Variants in SREBF2 observed in about 807,000 individuals in gnomAD.
The protein encoded by SREBF2 is sterol regulatory element binding transcription factor 2.
A neutral mutation model predicts 113.1 loss-of-function variants in SREBF2; 55 were observed. The ratio of observed to expected loss-of-function variants is 0.49; its 90% CI spans 0.39 to 0.61. SREBF2 has a LOEUF of 0.61. Ranked by LOEUF, SREBF2 falls within the 20% of genes least tolerant of loss-of-function variation. The probability of loss-of-function intolerance (pLI) is 0.00; values close to 1 mark genes in which losing one functional copy is unlikely to be tolerated. For missense variants in SREBF2, 1,349 were observed against 1,487.4 expected (o/e 0.91, Z 1.53); for synonymous variants, 593 against 605.7 (o/e 0.98, Z 0.31).
chr22:41,902,317 C>T (rs1265920260), intron 16 of SREBF2, among the ~76,000 whole-genome samples: 3 of 152,244 alleles, frequency 2.0e-5, no homozygotes, highest in African/African-American at 7.2e-5. Flanking sequence ...ACATGCAGTA[C>T]CTTCTCATAT....
In SREBF2 at chr22:41,833,529, G is replaced by T; in HGVS notation, c.88+171G>T. 1.9e-6 allele frequency: 1 copy of T among 515,594 alleles called. No homozygotes were observed. Among genetic ancestry groups the T allele is most frequent in the Non-Finnish European group, 3.3e-6 (1 of 304,806 alleles). The allele number at this position is 515,594 out of a possible 1,614,324, so 31.9% of individuals were successfully genotyped here. A position where few individuals can be genotyped will look rare whatever the true frequency, so the allele number is the denominator to read the frequency against. On this transcript the variant is annotated intron_variant, in intron 1 of 18. Coordinates refer to ENST00000361204, the MANE Select transcript of SREBF2 (RefSeq NM_004599.4). The surrounding 1 kb of genome is among the most constrained non-coding windows in gnomAD (Gnocchi z 4.1). Reference sequence around the variant, plus strand: ...AACCCTTCCGGCGCTGCGAGCGTGAGCCCGACCCAGCTGCGCCGCTCCGGG... The same window carrying T: ...AACCCTTCCGGCGCTGCGAGCGTGATCCCGACCCAGCTGCGCCGCTCCGGG...
intron 4 of SREBF2, 194 bp from the exon 5 acceptor site, chr22:41,873,604 G>A: frequency 1.6e-6 from 1 of 616,772 alleles, no homozygotes; most frequent in South Asian, 1.9e-5. Context: ...ATTCTTGAAG[G>A]GAGGTAGTAA....
At chr22:41,886,774 C>T (rs1307347213) in intron 11 of SREBF2, among the ~76,000 whole-genome samples, 1 of 152,262 alleles carries the variant, frequency 6.6e-6, no homozygotes, top group African/African-American at 2.4e-5. Flanking sequence ...TGGCTTACCC[C>T]TGTAATCCCG....
chr22:41,857,328 A>G (rs954345053), intron 1 of SREBF2, among the ~76,000 whole-genome samples: 5 of 152,158 alleles, frequency 3.3e-5, no homozygotes, highest in Non-Finnish European at 7.4e-5. Context: ...GTCCCCTGCT[A>G]TAGTGGGCCA....
chr22:41,851,662 T>A (rs2076932046), intron 1 of SREBF2, among the ~76,000 whole-genome samples: 1 of 151,932 alleles, frequency 6.6e-6, no homozygotes, highest in South Asian at 2.1e-4. Flanking sequence ...CCCAGCTGAT[T>A]TTTTGTATTT....
chr22:41,882,953 A>G (rs76621754), intron 10 of SREBF2, among the ~76,000 whole-genome samples: 3,816 of 152,302 alleles, frequency 0.025, 157 homozygotes, highest in African/African-American at 0.087. Flanking sequence ...AAAAAATTCA[A>G]AAAATTAGCT....
chr22:41,880,059 G>A (rs2077230847), intron 9 of SREBF2, among the ~76,000 whole-genome samples: 1 of 152,188 alleles, frequency 6.6e-6, no homozygotes, highest in African/African-American at 2.4e-5. Flanking sequence ...CGCTTTAGCA[G>A]ACATGGCATG....
intron 1 of SREBF2, among the ~76,000 whole-genome samples, chr22:41,838,882 T>C (rs2076802900): frequency 6.6e-6 from 1 of 152,190 alleles, no homozygotes; most frequent in South Asian, 2.1e-4. Context: ...CTCATTCAAA[T>C]ACCTTTCCAT....
intron 10 of SREBF2, among the ~76,000 whole-genome samples, chr22:41,884,214 C>T (rs1440883704): frequency 6.6e-6 from 1 of 152,210 alleles, no homozygotes; most frequent in Non-Finnish European, 1.5e-5. Context: ...CAGCTCACTG[C>T]AACCTCCGCA....
chr22:41,854,663 G>C (rs1242624762), intron 1 of SREBF2, among the ~76,000 whole-genome samples: 1 of 151,732 alleles, frequency 6.6e-6, no homozygotes, highest in African/African-American at 2.4e-5. Context: ...GAGGCCAGGA[G>C]TTCAAGACCA....
At chr22:41,844,615 C>G (rs2076860565) in intron 1 of SREBF2, among the ~76,000 whole-genome samples, 1 of 152,116 alleles carries the variant, frequency 6.6e-6, no homozygotes, top group Non-Finnish European at 1.5e-5. Context: ...TATCTCAGGC[C>G]TTGAGAATTG....
At chr22:41,842,942 A>G (rs963126374) in intron 1 of SREBF2, among the ~76,000 whole-genome samples, 2 of 151,976 alleles carry the variant, frequency 1.3e-5, no homozygotes, top group Non-Finnish European at 1.5e-5. Flanking sequence ...GTGAGCTGAA[A>G]TCGCACCACT....
At position 41,906,124 on chromosome 22, in the gene SREBF2, C is replaced by T. The variant is rs2077506836; in HGVS notation, c.*464C>T. On this transcript the variant is annotated 3_prime_UTR_variant, in exon 19 of 19. Transcript: ENST00000361204. ...TATACGAATGTTTTCTACCAGTGTG[C>T]TTGGGTTTGCCATGATGCGAGGCTG... The T allele has an allele frequency of 2.5e-6, 1 of 401,510 alleles. No homozygotes were observed. Among genetic ancestry groups the T allele is most frequent in the Admixed American group, 2.8e-5 (1 of 35,586 alleles). The allele number at this position is 401,510 out of a possible 1,614,324, so 24.9% of individuals were successfully genotyped here. A position where few individuals can be genotyped will look rare whatever the true frequency, so the allele number is the denominator to read the frequency against.
In SREBF2 at chr22:41,903,078, G is replaced by A. The variant is rs1327697229; in HGVS notation, c.3016G>A (p.Ala1006Thr). ...AVGETYHASG[A>T]ELAGFQRDLG... is the part of the protein sequence containing the mutation. ...GGGGGAGACCTACCACGCGTCAGGC[G>A]CTGAACTGGCGGGCTTCCAACGGGA... The change falls in exon 17 of 19, where the codon GCT becomes ACT. Residue 1006 changes from alanine (A) to threonine (T), a missense_variant. Physicochemically the swap from Ala to Thr is moderately conservative, Grantham distance 58. Around this residue, in one of 2 missense-constraint regions of SREBF2, gnomAD observed 650 missense variants for 644.1 expected, o/e 1.01. Coordinates refer to ENST00000361204, the MANE Select transcript of SREBF2 (RefSeq NM_004599.4). 4.4e-6 allele frequency: 7 copies of A among 1,591,272 alleles called. No homozygotes were observed. Among genetic ancestry groups the A allele is most frequent in the East Asian group, 2.3e-5 (1 of 43,560 alleles).
At chr22:41,904,840 A>G in intron 17 of SREBF2, 23 bp from the exon 18 acceptor site, 1 of 1,555,702 alleles carries the variant, frequency 6.4e-7, no homozygotes, top group Non-Finnish European at 8.7e-7. Flanking sequence ...GGTGTGATGG[A>G]TGTCACCCCG....
chr22:41,880,995 G>A lies in SREBF2; in HGVS notation c.2038+3G>A. On this transcript the variant is annotated splice_donor_region_variant and intron_variant, in intron 10 of 18. Coordinates refer to ENST00000361204, the MANE Select transcript of SREBF2 (RefSeq NM_004599.4). ...GCTGCACCAGCTGCACATCACAGGTGAGGGGGCAGCTGCTGCTGCCTGGCT... is the reference window on the plus strand; with the variant it reads ...GCTGCACCAGCTGCACATCACAGGTAAGGGGGCAGCTGCTGCTGCCTGGCT... The A allele has an allele frequency of 2.5e-6, 4 of 1,605,494 alleles. No individual in the cohort carries two copies. The highest frequency in any genetic ancestry group is 3.4e-6 in the Non-Finnish European group (4 of 1,179,782).
chr22:41,880,102 T>A (rs188620989), intron 9 of SREBF2, among the ~76,000 whole-genome samples: 1 of 152,284 alleles, frequency 6.6e-6, no homozygotes, highest in Non-Finnish European at 1.5e-5. Context: ...TACCAGAGAT[T>A]CTGATTCAGT....
Position 41,866,989 on chromosome 22 carries a change from G to C in SREBF2, c.247G>C (p.Ala83Pro). 1 of 1,614,128 alleles carries C rather than the reference G, an allele frequency of 6.2e-7. No homozygotes were observed. ...CAATGGCAGGGGCAGCAGCAGCGGA[G>C]CTGTGGACCCTTCAGTGCAACGGTC... ...SSNGRGSSSGAVDPSVQRSFT... is the reference protein window; with the variant it reads ...SSNGRGSSSGPVDPSVQRSFT... Residue 83 changes from alanine to proline, a missense_variant, in exon 2 of 19, where the codon GCT becomes CCT. Transcript: ENST00000361204.
chr22:41,864,271 C>A (rs1160737107), intron 1 of SREBF2, among the ~76,000 whole-genome samples: 1 of 130,670 alleles, frequency 7.7e-6, no homozygotes, highest in Non-Finnish European at 1.6e-5. Flanking sequence ...TACACACACA[C>A]ACACACACAC....
Sources: gnomAD v4.1 joint callset for allele counts (sites outside exome capture counted in the v4.1 genomes callset) on GRCh38, gnomAD v4.1.1 for gene constraint, gnomAD v4.1.1 regional missense constraint, Gnocchi (gnomAD v3.1) non-coding constraint, MANE v1.5 for transcripts, NCBI Gene and HGNC (gene_info 2026-07-23, HGNC 2026-07-21) for gene names.